Variants in CMTM8 observed in about 807,000 individuals in gnomAD.
The protein encoded by CMTM8 is CKLF like MARVEL transmembrane domain containing 8.
Under a neutral mutation model 18.6 loss-of-function variants are expected in CMTM8, and 12 were observed. The observed-to-expected ratio is 0.65, with a 90% confidence interval of 0.41 to 1.05. CMTM8 has a LOEUF of 1.05. Ranked by LOEUF, CMTM8 falls within the 50% of genes least tolerant of loss-of-function variation. The pLI, the probability that CMTM8 is intolerant of heterozygous loss-of-function variation, is 0.00. For missense variants in CMTM8, 217 were observed against 227.2 expected (o/e 0.95, Z 0.29); for synonymous variants, 87 against 90.6 (o/e 0.96, Z 0.23).
chr3:32,295,494 G>C (rs1474127208), intron 1 of CMTM8, among the ~76,000 whole-genome samples: 5 of 120,532 alleles, frequency 4.1e-5, no homozygotes, highest in African/African-American at 1.3e-4. Flanking sequence ...CAAAACAGCG[G>C]AAAGAGAAAA....
intron 1 of CMTM8, among the ~76,000 whole-genome samples, chr3:32,334,431 C>G (rs1469390941): frequency 6.6e-6 from 1 of 151,794 alleles, no homozygotes; most frequent in East Asian, 2.0e-4. Context: ...ATGGTGAAAC[C>G]CCGTCTCTAC....
At chr3:32,254,376 T>C (rs1043810219) in intron 1 of CMTM8, among the ~76,000 whole-genome samples, 1 of 152,232 alleles carries the variant, frequency 6.6e-6, no homozygotes, top group Admixed American at 6.5e-5. Flanking sequence ...CTTGTCATCT[T>C]GTTATAAGTA....
intron 1 of CMTM8, among the ~76,000 whole-genome samples, chr3:32,272,320 G>T (rs183919468): frequency 1.3e-5 from 2 of 152,116 alleles, no homozygotes; most frequent in African/African-American, 2.4e-5. Context: ...CTTGGGTTTG[G>T]TTGAGATTCT....
chr3:32,298,814 T>TATAC (rs1553604453), intron 1 of CMTM8, among the ~76,000 whole-genome samples: 1 of 125,144 alleles, frequency 8.0e-6, no homozygotes, highest in Non-Finnish European at 1.6e-5. Flanking sequence ...TATATATATA[T>TATAC]ACACGTGTGT....
intron 1 of CMTM8, among the ~76,000 whole-genome samples, chr3:32,326,515 CTTTT>C (rs58555396): frequency 1.8e-5 from 2 of 113,370 alleles, no homozygotes; most frequent in African/African-American, 3.2e-5. Flanking sequence ...TTCTTTCTTT[CTTTT>C]TTTTTTTTTT....
rs558156257 is a variant in CMTM8, at chr3:32,256,613, G to A, written c.147+17494G>A. Among the ~76,000 whole-genome samples the A allele has an allele frequency of 2.6e-5, 4 of 152,332 alleles. No individual in the cohort carries two copies. The South Asian group carries it at 8.3e-4, about 32-fold the overall frequency. The stretch of plus-strand genomic sequence containing the variant: ...CAGGAGAAATGGCTTATGAAAGGCA[G>A]TTTTGTAACCATGTAAGATAATTAT... On this transcript the variant is annotated intron_variant, in intron 1 of 3. Coordinates refer to ENST00000307526, the MANE Select transcript of CMTM8 (RefSeq NM_178868.5).
chr3:32,247,652 G>A lies in CMTM8; in HGVS notation c.147+8533G>A, dbSNP rs144827524. Among the ~76,000 whole-genome samples the A allele has an allele frequency of 5.3e-3, 808 of 152,002 alleles. 2 individuals are homozygous for A. Among genetic ancestry groups the A allele is most frequent in the African/African-American group, 0.018 (761 of 41,448 alleles). The stretch of plus-strand genomic sequence containing the variant: ...ATTTTTGTATTTTTAGTAGAGATGA[G>A]GTTTCACCATGTTGGCCAGGCTGGT... On this transcript the variant is annotated intron_variant, in intron 1 of 3. Coordinates refer to ENST00000307526, the MANE Select transcript of CMTM8 (RefSeq NM_178868.5).
intron 1 of CMTM8, among the ~76,000 whole-genome samples, chr3:32,319,689 C>T (rs1456440874): frequency 1.3e-5 from 2 of 152,216 alleles, no homozygotes; most frequent in African/African-American, 4.8e-5. Flanking sequence ...TTATCACTGG[C>T]ATCAGCAGTT....
intron 1 of CMTM8, among the ~76,000 whole-genome samples, chr3:32,274,618 C>T (rs900998275): frequency 6.6e-6 from 1 of 152,186 alleles, no homozygotes; most frequent in Non-Finnish European, 1.5e-5. Context: ...CTCTAAAGGA[C>T]AAAAGTATTC....
intron 1 of CMTM8, among the ~76,000 whole-genome samples, chr3:32,321,253 G>A (rs1238640782): frequency 3.3e-5 from 5 of 152,088 alleles, no homozygotes; most frequent in South Asian, 2.1e-4. Flanking sequence ...GATGAGGCTC[G>A]GGTCACATGT....
At chr3:32,254,718 T>TAA (rs200045377) in intron 1 of CMTM8, among the ~76,000 whole-genome samples, 2 of 149,750 alleles carry the variant, frequency 1.3e-5, no homozygotes, top group South Asian at 2.1e-4. Context: ...TTCTCTGGAT[T>TAA]AAAAAAAAAA....
intron 1 of CMTM8, among the ~76,000 whole-genome samples, chr3:32,307,007 G>C (rs11129512): frequency 0.15 from 22,735 of 151,942 alleles, 1,811 homozygotes; most frequent in South Asian, 0.26. Flanking sequence ...AGGAGTTTGA[G>C]ACCAGCCTGG....
In CMTM8 at chr3:32,336,493, C is replaced by T. The variant is rs376956195; in HGVS notation, c.148-20880C>T. Among the ~76,000 whole-genome samples the T allele has an allele frequency of 1.3e-3, 205 of 152,362 alleles. 1 individual carries two copies. Among genetic ancestry groups the T allele is most frequent in the African/African-American group, 4.7e-3 (196 of 41,584 alleles). On this transcript the variant is annotated intron_variant, in intron 1 of 3. Coordinates refer to ENST00000307526, the MANE Select transcript of CMTM8 (RefSeq NM_178868.5). ...TGCAGAACATGGTTTTGAACATAGC[C>T]TTTCACTGCTGTGAGCCTCAGTTTC...
chr3:32,282,112 C>A (rs893511176), intron 1 of CMTM8, among the ~76,000 whole-genome samples: 1 of 152,184 alleles, frequency 6.6e-6, no homozygotes, highest in African/African-American at 2.4e-5. Context: ...CTCACCATCT[C>A]TTCTGATATG....
At chr3:32,301,184 T>C (rs942266841) in intron 1 of CMTM8, among the ~76,000 whole-genome samples, 1 of 152,140 alleles carries the variant, frequency 6.6e-6, no homozygotes, top group Non-Finnish European at 1.5e-5. Flanking sequence ...TTTCCAGCCT[T>C]ATCCCGGCAT....
chr3:32,279,344 A>T, intron 1 of CMTM8, among the ~76,000 whole-genome samples: 2 of 73,432 alleles, frequency 2.7e-5, no homozygotes, highest in Non-Finnish European at 5.0e-5. Context: ...CGACCCCACC[A>T]CCGTCCCCAG....
rs1309162956 is a variant in CMTM8, at chr3:32,289,896, C to T, written c.147+50777C>T. On this transcript the variant is annotated intron_variant, in intron 1 of 3. Transcript: ENST00000307526. ...CTGTAATCCCAGCACTTTAGGAGGC[C>T]GAGGCCGGTAGATTGCTCGAGCTTA... Among the ~76,000 whole-genome samples the T allele has an allele frequency of 3.9e-5, 6 of 152,000 alleles. No individual in the cohort carries two copies. In the East Asian group the frequency reaches 5.8e-4, roughly 15 times the overall value.
intron 1 of CMTM8, among the ~76,000 whole-genome samples, chr3:32,349,824 A>G (rs984667535): frequency 3.9e-5 from 6 of 152,118 alleles, no homozygotes; most frequent in East Asian, 1.9e-4. Context: ...CCTGGCCAAC[A>G]TGGTGAAACC....
At chr3:32,272,723 A>G (rs1255461652) in intron 1 of CMTM8, among the ~76,000 whole-genome samples, 2 of 152,198 alleles carry the variant, frequency 1.3e-5, no homozygotes, top group East Asian at 1.9e-4. Flanking sequence ...TGAAAGGGAC[A>G]TCTTTTCACC....
Sources: gnomAD v4.1 joint callset for allele counts (sites outside exome capture counted in the v4.1 genomes callset) on GRCh38, gnomAD v4.1.1 for gene constraint, MANE v1.5 for transcripts, NCBI Gene and HGNC (gene_info 2026-07-23, HGNC 2026-07-21) for gene names.